Variants in PTTG1IP2 observed in about 807,000 individuals in gnomAD.
The protein encoded by PTTG1IP2 is PTTG1IP family member 2.
At chr7:90,478,212 T>A (rs553162335) in intron 1 of PTTG1IP2, among the ~76,000 whole-genome samples, 1 of 150,464 alleles carries the variant, frequency 6.6e-6, no homozygotes, top group Non-Finnish European at 1.5e-5. Flanking sequence ...TATACAAAAA[T>A]AAAAACTTTA....
At chr7:90,497,713 TATAAAAAAAAA>T (rs1300220533) in intron 6 of PTTG1IP2, among the ~76,000 whole-genome samples, 90 of 49,600 alleles carry the variant, frequency 1.8e-3, no homozygotes, top group African/African-American at 7.7e-3. Context: ...AAAGACCCTG[TATAAAAAAAAA>T]AAAAAAAAAA....
At chr7:90,486,521 T>A (rs1039694073) in intron 2 of PTTG1IP2, among the ~76,000 whole-genome samples, 1 of 146,966 alleles carries the variant, frequency 6.8e-6, no homozygotes, top group Non-Finnish European at 1.5e-5. Flanking sequence ...CCTCCCATAA[T>A]GTTTTTCACC....
chr7:90,482,917 A>G (rs921968053), intron 2 of PTTG1IP2, among the ~76,000 whole-genome samples: 5 of 152,298 alleles, frequency 3.3e-5, no homozygotes, highest in Admixed American at 3.3e-4. Flanking sequence ...CCTGCAGCCT[A>G]CTTTATCTAT....
chr7:90,510,976 G>A (rs1432068939), intron 6 of PTTG1IP2, among the ~76,000 whole-genome samples: 1 of 152,182 alleles, frequency 6.6e-6, no homozygotes, highest in Non-Finnish European at 1.5e-5. Flanking sequence ...GCAGACATCG[G>A]AGCTATAATC....
At chr7:90,498,126 C>T (rs17864043) in intron 6 of PTTG1IP2, among the ~76,000 whole-genome samples, 4,674 of 152,066 alleles carry the variant, frequency 0.031, 109 homozygotes, top group South Asian at 0.039. Flanking sequence ...CCCCGGCTCA[C>T]GCCATTCTCC....
chr7:90,505,840 C>T (rs1175912834), intron 6 of PTTG1IP2, among the ~76,000 whole-genome samples: 1 of 151,796 alleles, frequency 6.6e-6, no homozygotes, highest in African/African-American at 2.4e-5. Context: ...AAAAATTAGC[C>T]GGGCGCGGTG....
intron 6 of PTTG1IP2, among the ~76,000 whole-genome samples, chr7:90,509,509 T>C (rs1324691804): frequency 6.6e-6 from 1 of 151,960 alleles, no homozygotes; most frequent in Non-Finnish European, 1.5e-5. Context: ...AAAGTTTTGG[T>C]GAGAAGGATG....
chr7:90,493,157 G>A (rs538268315), intron 5 of PTTG1IP2, among the ~76,000 whole-genome samples: 37 of 152,164 alleles, frequency 2.4e-4, no homozygotes, highest in Admixed American at 2.0e-3. Context: ...GGTGCGGGGG[G>A]GCTTCAGATT....
intron 1 of PTTG1IP2, among the ~76,000 whole-genome samples, chr7:90,471,309 A>G (rs17865340): frequency 3.3e-4 from 50 of 152,290 alleles, no homozygotes; most frequent in African/African-American, 1.2e-3. Flanking sequence ...GCCCTAAGTG[A>G]CAGGCAACAG....
intron 6 of PTTG1IP2, among the ~76,000 whole-genome samples, chr7:90,501,126 C>T (rs1798056589): frequency 2.0e-5 from 3 of 151,790 alleles, no homozygotes; most frequent in Middle Eastern, 3.2e-3. Flanking sequence ...TCAGGTTAAG[C>T]GAATTTTGGA....
At chr7:90,498,911 G>A (rs981193686) in intron 6 of PTTG1IP2, among the ~76,000 whole-genome samples, 4 of 152,140 alleles carry the variant, frequency 2.6e-5, no homozygotes, top group Non-Finnish European at 4.4e-5. Context: ...GGGTGCAGTG[G>A]CATGATCATG....
intron 6 of PTTG1IP2, among the ~76,000 whole-genome samples, chr7:90,495,817 G>A (rs184736950): frequency 3.1e-4 from 47 of 152,288 alleles, no homozygotes; most frequent in Admixed American, 4.6e-4. Flanking sequence ...AACCAAGGGT[G>A]CCCTAGGCAA....
intron 6 of PTTG1IP2, among the ~76,000 whole-genome samples, chr7:90,507,437 A>G (rs1316460062): frequency 6.6e-6 from 1 of 152,174 alleles, no homozygotes. Flanking sequence ...AACATCTCTG[A>G]GACTTGATTA....
chr7:90,512,920 C>T (rs1798206607), intron 6 of PTTG1IP2, among the ~76,000 whole-genome samples: 1 of 152,174 alleles, frequency 6.6e-6, no homozygotes, highest in African/African-American at 2.4e-5. Context: ...CCAAGTTGAA[C>T]CCTTTCTGGG....
chr7:90,494,191 A>G (rs911808751), intron 5 of PTTG1IP2, 176 bp from the exon 6 acceptor site: 1 of 152,210 alleles, frequency 6.6e-6, no homozygotes, highest in East Asian at 1.9e-4. Context: ...TTACATGTTG[A>G]TAGTACCTTA....
rs17862206 is a variant in PTTG1IP2, at chr7:90,489,966, T to C, written c.380+1002T>C. Among the ~76,000 whole-genome samples, 1,111 of 152,172 alleles carry C rather than the reference T, an allele frequency of 7.3e-3. 5 individuals carry two copies. The highest frequency in any genetic ancestry group is 0.012 in the Non-Finnish European group (848 of 67,866). ...TATTTCTCATTAACAAAAACACATGTATCTTTATTCTCATCACTGTGATCA... is the reference window on the plus strand; with the variant it reads ...TATTTCTCATTAACAAAAACACATGCATCTTTATTCTCATCACTGTGATCA... On this transcript the variant is annotated intron_variant, in intron 4 of 6. Coordinates refer to ENST00000509356, the MANE Select transcript of PTTG1IP2 (RefSeq NM_001365443.2).
intron 2 of PTTG1IP2, among the ~76,000 whole-genome samples, chr7:90,479,809 A>G (rs1164244080): frequency 1.3e-5 from 2 of 152,242 alleles, no homozygotes; most frequent in African/African-American, 4.8e-5. Flanking sequence ...AGCAAGCCAC[A>G]TAAAAACCAC....
At chr7:90,476,778 T>C (rs527290801) in intron 1 of PTTG1IP2, among the ~76,000 whole-genome samples, 19 of 152,282 alleles carry the variant, frequency 1.2e-4, no homozygotes, top group Admixed American at 6.5e-4. Flanking sequence ...AAAATAGATG[T>C]AACAGGTAAA....
intron 2 of PTTG1IP2, among the ~76,000 whole-genome samples, 174 bp downstream of exon 2, chr7:90,479,448 G>C (rs1276468343): frequency 1.3e-5 from 2 of 151,918 alleles, no homozygotes; most frequent in East Asian, 3.9e-4. Flanking sequence ...TGAGGATCTA[G>C]AAATAAACAA....
Sources: gnomAD v4.1 joint callset for allele counts (sites outside exome capture counted in the v4.1 genomes callset) on GRCh38, gnomAD v4.1.1 for gene constraint, MANE v1.5 for transcripts, NCBI Gene and HGNC (gene_info 2026-07-23, HGNC 2026-07-21) for gene names.